Variants in USH2A observed in about 807,000 individuals in gnomAD.
USH2A encodes Usher syndrome 2A (autosomal recessive, mild).
In USH2A, 443 loss-of-function variants were observed where a neutral mutation model predicts 538.9. The ratio of observed to expected loss-of-function variants is 0.82; its 90% CI spans 0.76 to 0.89. The LOEUF is 0.89. Ranked by LOEUF, USH2A falls within the 40% of genes least tolerant of loss-of-function variation. The pLI is 0.00. For missense variants in USH2A, 6,633 were observed against 6,324.8 expected (o/e 1.05, Z -1.65); for synonymous variants, 2,413 against 2,273.5 (o/e 1.06, Z -1.75).
chr1:216,231,858 A>C, intron 14 of USH2A, 95 bp downstream of exon 14: 1 of 1,522,974 alleles, frequency 6.6e-7, no homozygotes, highest in Non-Finnish European at 9.1e-7. Flanking sequence ...GGGCAAAAAA[A>C]ATACTTTTTA....
intron 9 of USH2A, among the ~76,000 whole-genome samples, chr1:216,314,894 C>T (rs186522561): frequency 8.6e-4 from 131 of 152,184 alleles, no homozygotes; most frequent in Admixed American, 9.2e-4. Flanking sequence ...CACAAAATGA[C>T]GAAAGAATAG....
intron 52 of USH2A, among the ~76,000 whole-genome samples, chr1:215,784,981 T>A (rs923686559): frequency 6.6e-6 from 1 of 152,214 alleles, no homozygotes; most frequent in Admixed American, 6.5e-5. Flanking sequence ...TGAAAGTCCA[T>A]GACTTAAATC....
chr1:215,672,837 TCA>T (rs1388355903), intron 63 of USH2A, among the ~76,000 whole-genome samples: 3 of 152,218 alleles, frequency 2.0e-5, no homozygotes, highest in Admixed American at 6.5e-5. Flanking sequence ...GAGATTTCTC[TCA>T]CATTCTTAAA....
Position 215,625,764 on chromosome 1 carries a change from T to G in USH2A, c.*17A>C. 6.2e-7 allele frequency: 1 copy of G among 1,613,692 alleles called. No individual in the cohort carries two copies. The highest frequency in any genetic ancestry group is 1.1e-5 in the South Asian group (1 of 91,072). ...AGACCTTGCATTCCAGGGTTACGTC[T>G]TCTGGGTTTCCATCCTTTACAGGTG... On this transcript the variant is annotated 3_prime_UTR_variant, in exon 72 of 72. Transcript: ENST00000307340.
chr1:215,867,310 A>T, intron 43 of USH2A, 140 bp from the exon 44 acceptor site: 1 of 954,462 alleles, frequency 1.0e-6, no homozygotes. Context: ...CCTCCCTAGA[A>T]AATACATTAT....
Position 216,198,453 on chromosome 1 carries a change from T to G in USH2A, c.3943A>C (p.Asn1315His). The stretch of plus-strand genomic sequence containing the variant: ...ATTGTTTGAGGAGGTTTTAATGCAT[T>G]TTCATTGGCCGATTCTACAAATGAA... Reference protein sequence around the residue: ...PHSFVESANENALKPPQTMTT... With the variant: ...PHSFVESANEHALKPPQTMTT... The change falls in exon 18 of 72, where the codon AAT becomes CAT. Residue 1315 changes from asparagine to histidine, a missense_variant. Coordinates refer to ENST00000307340, the MANE Select transcript of USH2A (RefSeq NM_206933.4). The G allele has an allele frequency of 1.9e-6, 3 of 1,614,018 alleles. No individual in the cohort carries two copies. The highest frequency in any genetic ancestry group is 2.5e-6 in the Non-Finnish European group (3 of 1,179,958).
chr1:216,145,860 T>A (rs372217603), intron 21 of USH2A, among the ~76,000 whole-genome samples: 7 of 151,996 alleles, frequency 4.6e-5, no homozygotes, highest in African/African-American at 1.4e-4. Context: ...CCCCCACTCC[T>A]ACCTGCCAGA....
intron 13 of USH2A, 23 bp downstream of exon 13, chr1:216,246,562 A>T: frequency 6.2e-7 from 1 of 1,613,972 alleles, no homozygotes; most frequent in South Asian, 1.1e-5. Context: ...GTGCACTGAA[A>T]ATGTAATACA....
intron 4 of USH2A, among the ~76,000 whole-genome samples, chr1:216,344,618 C>T (rs764532204): frequency 9.2e-5 from 14 of 151,962 alleles, no homozygotes; most frequent in East Asian, 1.9e-4. Flanking sequence ...AGGAAATAGA[C>T]TTCAGCACTT....
chr1:215,858,279 A>T (rs1341216652), intron 44 of USH2A, among the ~76,000 whole-genome samples: 1 of 151,860 alleles, frequency 6.6e-6, no homozygotes, highest in Non-Finnish European at 1.5e-5. Flanking sequence ...TATCAAGTTA[A>T]TCTCTGATAT....
chr1:215,625,930 AT>A, intron 71 of USH2A, 60 bp from the exon 72 acceptor site: 2 of 1,478,182 alleles, frequency 1.4e-6, no homozygotes, highest in Non-Finnish European at 1.9e-6. Flanking sequence ...TTTGCTATCA[AT>A]TTATAGTTAT....
intron 47 of USH2A, among the ~76,000 whole-genome samples, chr1:215,835,431 A>T (rs1218013873): frequency 6.6e-6 from 1 of 152,110 alleles, no homozygotes; most frequent in Non-Finnish European, 1.5e-5. Context: ...AAAGCCCACC[A>T]TTCAGGTTGT....
intron 32 of USH2A, among the ~76,000 whole-genome samples, chr1:216,010,685 C>T (rs2102491998): frequency 6.6e-6 from 1 of 151,714 alleles, no homozygotes. Context: ...AACTCTCCAA[C>T]TCTGGTGCCA....
At chr1:216,393,550 CTTGA>C (rs1394322777) in intron 3 of USH2A, among the ~76,000 whole-genome samples, 2 of 152,094 alleles carry the variant, frequency 1.3e-5, no homozygotes, top group East Asian at 3.9e-4. Flanking sequence ...TCTTATGACT[CTTGA>C]TTTTTTTATT....
At chr1:215,895,595 G>T (rs1049792136) in intron 40 of USH2A, among the ~76,000 whole-genome samples, 3 of 152,148 alleles carry the variant, frequency 2.0e-5, no homozygotes, top group African/African-American at 4.8e-5. Flanking sequence ...TCTGAAGGAT[G>T]GATGAAGGTT....
At chr1:216,201,826 G>C (rs1218133528) in intron 16 of USH2A, 2 of 213,290 alleles carry the variant, frequency 9.4e-6, no homozygotes, top group African/African-American at 4.7e-5. Context: ...GAGGTCGCCT[G>C]GTTTTACTTT....
At chr1:215,798,502 T>C (rs1485024458) in intron 50 of USH2A, among the ~76,000 whole-genome samples, 1 of 152,210 alleles carries the variant, frequency 6.6e-6, no homozygotes, top group Non-Finnish European at 1.5e-5. Flanking sequence ...CTGTTAGTAT[T>C]CATTCAATGA....
At position 215,934,601 on chromosome 1, in the gene USH2A, T is replaced by C; in HGVS notation, c.7300+15A>G. The C allele has an allele frequency of 6.2e-7, 1 of 1,610,404 alleles. No homozygotes were observed. The highest frequency in any genetic ancestry group is 1.1e-5 in the South Asian group (1 of 90,876). ...TTTATATAAAATTAGATAGCCAACA[T>C]TTGCATAGACTTACCTCCTGGAGGC... On this transcript the variant is annotated intron_variant, in intron 38 of 71. Coordinates refer to ENST00000307340, the MANE Select transcript of USH2A (RefSeq NM_206933.4).
intron 32 of USH2A, among the ~76,000 whole-genome samples, chr1:216,001,790 C>T (rs1409274853): frequency 6.6e-6 from 1 of 152,072 alleles, no homozygotes; most frequent in African/African-American, 2.4e-5. Context: ...CTTTGATTTT[C>T]ATGCAAAGTA....
Sources: gnomAD v4.1 joint callset for allele counts (sites outside exome capture counted in the v4.1 genomes callset) on GRCh38, gnomAD v4.1.1 for gene constraint, MANE v1.5 for transcripts, NCBI Gene and HGNC (gene_info 2026-07-23, HGNC 2026-07-21) for gene names.